MYO5A: variants seen among roughly 807,000 people sequenced by gnomAD.
MYO5A encodes unconventional myosin-Va.
A neutral mutation model predicts 249.7 loss-of-function variants in MYO5A; 98 were observed. That is an observed-to-expected ratio of 0.39 (90% confidence interval 0.33 to 0.46). The LOEUF (loss-of-function observed/expected upper bound fraction) is 0.46. Among genes scored for constraint, MYO5A ranks in the 20% least tolerant of loss-of-function variants. MYO5A has a pLI of 0.98. For missense variants in MYO5A, 1,696 were observed against 2,308.8 expected (o/e 0.73, Z 5.44); for synonymous variants, 778 against 810.6 (o/e 0.96, Z 0.68).
chr15:52,485,992 G>A (rs1034118259), intron 1 of MYO5A, among the ~76,000 whole-genome samples: 1 of 152,188 alleles, frequency 6.6e-6, no homozygotes, highest in African/African-American at 2.4e-5. Flanking sequence ...GCAGTCATGA[G>A]GGCACAGTTC....
intron 23 of MYO5A, among the ~76,000 whole-genome samples, chr15:52,365,593 ACTG>A (rs58483923): frequency 6.6e-5 from 10 of 152,174 alleles, no homozygotes; most frequent in African/African-American, 2.2e-4. Context: ...TTGCTTCACC[ACTG>A]CTTTCTCTGT....
chr15:52,524,518 C>A (rs1183355520), intron 1 of MYO5A, among the ~76,000 whole-genome samples: 6 of 151,886 alleles, frequency 4.0e-5, no homozygotes, highest in Admixed American at 2.6e-4. Context: ...CACACCACTA[C>A]ACCTCAGCCT....
chr15:52,358,422 G>A (rs191462533), intron 25 of MYO5A, among the ~76,000 whole-genome samples: 6 of 152,234 alleles, frequency 3.9e-5, no homozygotes, highest in Admixed American at 2.6e-4. Context: ...CTAACTTTGT[G>A]GTATTCTCCA....
chr15:52,421,328 A>G (rs982758660), intron 4 of MYO5A, among the ~76,000 whole-genome samples: 2 of 152,230 alleles, frequency 1.3e-5, no homozygotes, highest in Admixed American at 6.5e-5. Flanking sequence ...TTCAGAAATA[A>G]TAAAACCAGA....
chr15:52,399,000 T>A (rs1264088078), intron 9 of MYO5A, among the ~76,000 whole-genome samples: 21 of 149,558 alleles, frequency 1.4e-4, no homozygotes, highest in East Asian at 3.9e-4. Flanking sequence ...AAAAAAAAAA[T>A]TTTTTTCTTA....
At chr15:52,377,960 A>G (rs1234178011) in intron 18 of MYO5A, among the ~76,000 whole-genome samples, 1 of 152,210 alleles carries the variant, frequency 6.6e-6, no homozygotes, top group African/African-American at 2.4e-5. Context: ...AAACCAAAAA[A>G]TCTGACACAT....
At chr15:52,340,424 G>A (rs761613429) in intron 31 of MYO5A, 30 bp from the exon 32 acceptor site, 1 of 1,602,594 alleles carries the variant, frequency 6.2e-7, no homozygotes, top group South Asian at 1.1e-5. Context: ...GTCGGAAGGG[G>A]AGACGACACC....
intron 9 of MYO5A, among the ~76,000 whole-genome samples, chr15:52,403,124 T>A (rs2042834935): frequency 6.6e-6 from 1 of 152,208 alleles, no homozygotes; most frequent in Admixed American, 6.5e-5. Flanking sequence ...AGACTCATAA[T>A]GAAGTGATAT....
chr15:52,416,482 G>A lies in MYO5A; in HGVS notation c.456-181C>T, dbSNP rs7166275. Reference sequence around the variant, plus strand: ...ATACTGGCCACCAGAAATGTTGCAGGATATATATATATTTTTTTTAAGGAA... The same window carrying A: ...ATACTGGCCACCAGAAATGTTGCAGAATATATATATATTTTTTTTAAGGAA... On this transcript the variant is annotated intron_variant, in intron 4 of 41. Coordinates refer to ENST00000399233, the MANE Select transcript of MYO5A (RefSeq NM_001382347.1). 0.09 allele frequency among the ~76,000 whole-genome samples: 13,144 copies of A among 146,324 alleles called. 815 individuals carry two copies. Among genetic ancestry groups the A allele is most frequent in the Non-Finnish European group, 0.13 (8,773 of 65,606 alleles).
intron 1 of MYO5A, among the ~76,000 whole-genome samples, chr15:52,480,344 C>T (rs1030372088): frequency 4.6e-5 from 7 of 152,190 alleles, no homozygotes; most frequent in Non-Finnish European, 8.8e-5. Context: ...GAAACACCTG[C>T]AGAATTTAGG....
intron 16 of MYO5A, among the ~76,000 whole-genome samples, chr15:52,380,537 G>A (rs2041682551): frequency 1.3e-5 from 2 of 150,692 alleles, no homozygotes; most frequent in Non-Finnish European, 2.9e-5. Flanking sequence ...GGAGGCCAAG[G>A]GCAGGCGGAT....
intron 2 of MYO5A, among the ~76,000 whole-genome samples, chr15:52,432,250 G>A (rs2075557570): frequency 6.6e-6 from 1 of 152,240 alleles, no homozygotes; most frequent in Non-Finnish European, 1.5e-5. Context: ...CTGCAGGCAA[G>A]ACACAGTAAT....
At chr15:52,476,426 C>A (rs1417967616) in intron 1 of MYO5A, among the ~76,000 whole-genome samples, 2 of 152,134 alleles carry the variant, frequency 1.3e-5, no homozygotes, top group African/African-American at 4.8e-5. Context: ...TGAATTTGAT[C>A]CTGTCATTAT....
chr15:52,476,871 T>C (rs1379765645), intron 1 of MYO5A, among the ~76,000 whole-genome samples: 1 of 152,184 alleles, frequency 6.6e-6, no homozygotes, highest in African/African-American at 2.4e-5. Context: ...ATTATGTGTC[T>C]TGGGGTTGTT....
chr15:52,473,330 C>G (rs766009249), intron 1 of MYO5A, among the ~76,000 whole-genome samples: 9 of 152,166 alleles, frequency 5.9e-5, no homozygotes, highest in African/African-American at 2.2e-4. Flanking sequence ...AAAATTTTCT[C>G]CCATTCTGTA....
intron 2 of MYO5A, among the ~76,000 whole-genome samples, chr15:52,431,026 GT>G (rs2075519671): frequency 1.3e-5 from 2 of 151,646 alleles, no homozygotes; most frequent in Admixed American, 6.6e-5. Context: ...GAGGTTGGGA[GT>G]TTGAGACCCG....
chr15:52,384,029 T>C lies in MYO5A; in HGVS notation c.1914+132A>G, dbSNP rs1217610748. On this transcript the variant is annotated intron_variant, in intron 15 of 41. Coordinates refer to ENST00000399233, the MANE Select transcript of MYO5A (RefSeq NM_001382347.1). ...AGAAGAGTTTTAGTGGATGGTGTCG[T>C]ATGATCTCACAGTGAAAGCTCTAGG... The C allele has an allele frequency of 2.8e-6, 3 of 1,055,406 alleles. No individual in the cohort carries two copies. The African/African-American group carries it at 4.8e-5, about 17-fold the overall frequency. The allele number at this position is 1,055,406 out of a possible 1,614,324, so 65.4% of individuals were successfully genotyped here.
chr15:52,441,537 A>G (rs1268413332), intron 1 of MYO5A, among the ~76,000 whole-genome samples: 1 of 152,200 alleles, frequency 6.6e-6, no homozygotes, highest in Non-Finnish European at 1.5e-5. Flanking sequence ...TGGGTTTGCT[A>G]TACCCTGAAC....
At chr15:52,434,716 G>T (rs543691665) in intron 1 of MYO5A, among the ~76,000 whole-genome samples, 1 of 152,192 alleles carries the variant, frequency 6.6e-6, no homozygotes, top group Admixed American at 6.5e-5. Context: ...GTTTTTATGT[G>T]CTTGGACTCT....
Sources: allele counts gnomAD v4.1 joint callset (sites outside exome capture counted in the v4.1 genomes callset), GRCh38; gene constraint gnomAD v4.1.1; transcripts MANE v1.5; gene names NCBI Gene and HGNC (gene_info 2026-07-23, HGNC 2026-07-21).